Variants in RIPOR3 observed in about 807,000 individuals in gnomAD.
The protein encoded by RIPOR3 is RIPOR family member 3.
Under a neutral mutation model 114.3 loss-of-function variants are expected in RIPOR3, and 95 were observed. That is an observed-to-expected ratio of 0.83 (90% CI 0.70 to 0.99). RIPOR3 has a LOEUF of 0.99. Ranked by LOEUF, RIPOR3 falls within the 50% of genes least tolerant of loss-of-function variation. RIPOR3 has a pLI of 0.00. For missense variants in RIPOR3, 1,252 were observed against 1,266.9 expected, an observed-to-expected ratio of 0.99 and a Z score of 0.18; for synonymous variants, 575 against 543.8, an observed-to-expected ratio of 1.06 and a Z score of -0.80.
At chr20:50,674,441 G>C (rs1283083998) in intron 1 of RIPOR3, among the ~76,000 whole-genome samples, 1 of 151,864 alleles carries the variant, frequency 6.6e-6, no homozygotes, top group Non-Finnish European at 1.5e-5. Context: ...AGTATGCACT[G>C]AGCAAATTCC....
chr20:50,680,768 G>A (rs530826353), intron 1 of RIPOR3, among the ~76,000 whole-genome samples: 2 of 152,266 alleles, frequency 1.3e-5, no homozygotes, highest in South Asian at 2.1e-4. Flanking sequence ...CTGCTCCTAC[G>A]AACAGCCTTT....
Position 50,592,368 on chromosome 20 carries a change from G to T in RIPOR3, c.2553C>A (p.Val851=). The change falls in exon 19 of 22, where the codon GTC becomes GTA. Residue 851 remains valine (V), a synonymous_variant. Coordinates refer to ENST00000327979, the MANE Select transcript of RIPOR3 (RefSeq NM_001290268.2). ...CCTTTTCCCGGAAGCTTCTGTTCCT[G>T]ACTGCACCAGCCAGGCGAGCGCTGG... ...RAASARLAGA[V]RNRSFREKAL... The T allele has an allele frequency of 6.3e-7, 1 of 1,598,394 alleles. No individual in the cohort carries two copies. Among genetic ancestry groups the T allele is most frequent in the Non-Finnish European group, 8.6e-7 (1 of 1,169,570 alleles).
intron 12 of RIPOR3, among the ~76,000 whole-genome samples, chr20:50,603,506 T>G (rs1380303915): frequency 6.6e-6 from 1 of 152,182 alleles, no homozygotes; most frequent in Non-Finnish European, 1.5e-5. Flanking sequence ...CTCAAAGTAC[T>G]GGGATTACAG....
In RIPOR3 at chr20:50,604,789, A is replaced by G. The variant is rs768327058; in HGVS notation, c.957-15T>C. The G allele has an allele frequency of 1.2e-6, 2 of 1,605,538 alleles. No homozygotes were observed. The highest frequency in any genetic ancestry group is 1.7e-6 in the Non-Finnish European group (2 of 1,177,264). The stretch of plus-strand genomic sequence containing the variant: ...TATCAAACGGGCTGGAGGAGAGAAC[A>G]GAAGGTCAGGATGCCATCGGCACCC... On this transcript the variant is annotated splice_polypyrimidine_tract_variant and intron_variant, in intron 11 of 21. Transcript: ENST00000327979.
intron 4 of RIPOR3, 132 bp from the exon 5 acceptor site, chr20:50,611,336 C>T (rs41307181): frequency 0.059 from 68,069 of 1,145,496 alleles, 2,474 homozygotes; most frequent in Non-Finnish European, 0.072. Flanking sequence ...CAGCCACCCC[C>T]ACCCACTCCT....
chr20:50,661,161 G>A (rs548575249), intron 1 of RIPOR3, among the ~76,000 whole-genome samples: 131 of 151,722 alleles, frequency 8.6e-4, no homozygotes, highest in African/African-American at 1.0e-3. Context: ...TCGCTTGAAC[G>A]CGGGAGGCGG....
intron 1 of RIPOR3, among the ~76,000 whole-genome samples, chr20:50,637,644 T>G (rs1273287485): frequency 6.6e-6 from 1 of 152,002 alleles, no homozygotes; most frequent in Admixed American, 6.6e-5. Flanking sequence ...GGAGGCTGAG[T>G]CTGGTGGATC....
At chr20:50,611,623 G>A (rs1236783037) in intron 4 of RIPOR3, among the ~76,000 whole-genome samples, 4 of 152,214 alleles carry the variant, frequency 2.6e-5, no homozygotes, top group African/African-American at 9.7e-5. Flanking sequence ...AGAACATGAG[G>A]GGGATGGAAG....
intron 1 of RIPOR3, among the ~76,000 whole-genome samples, chr20:50,657,922 AT>A (rs889334691): frequency 2.7e-5 from 4 of 150,512 alleles, no homozygotes; most frequent in African/African-American, 7.3e-5. Flanking sequence ...TGCCTGGCTA[AT>A]TTTTTTTTAT....
intron 4 of RIPOR3, among the ~76,000 whole-genome samples, chr20:50,615,172 G>C (rs1416881065): frequency 6.9e-6 from 1 of 145,432 alleles, no homozygotes; most frequent in Non-Finnish European, 1.5e-5. Context: ...TGCTAAGGGA[G>C]AGGCAAAAAA....
At chr20:50,678,409 C>G (rs2086746803) in intron 1 of RIPOR3, among the ~76,000 whole-genome samples, 1 of 152,180 alleles carries the variant, frequency 6.6e-6, no homozygotes, top group African/African-American at 2.4e-5. Flanking sequence ...ACCTCCCACC[C>G]CACCCCACAG....
intron 1 of RIPOR3, among the ~76,000 whole-genome samples, chr20:50,634,995 T>C (rs540940307): frequency 6.6e-6 from 1 of 152,226 alleles, no homozygotes; most frequent in Admixed American, 6.5e-5. Context: ...ATCAAGCCAC[T>C]AAACTCCAGC....
intron 1 of RIPOR3, among the ~76,000 whole-genome samples, chr20:50,673,053 C>T (rs962624893): frequency 6.6e-6 from 1 of 152,204 alleles, no homozygotes; most frequent in African/African-American, 2.4e-5. Context: ...GTGGATGTCC[C>T]CACTGCCCTG....
rs2084969845 is a variant in RIPOR3, at chr20:50,635,928, G to T, written c.4-5072C>A. Among the ~76,000 whole-genome samples, 3 of 152,324 alleles carry T rather than the reference G, an allele frequency of 2.0e-5. No individual in the cohort carries two copies. In the East Asian group the frequency reaches 5.8e-4, roughly 29 times the overall value. ...AGAATGGAAATAGGATTGGGAGGGGGACCTGCCAAGCTAGAAAGATAGCCC... is the reference window on the plus strand; with the variant it reads ...AGAATGGAAATAGGATTGGGAGGGGTACCTGCCAAGCTAGAAAGATAGCCC... On this transcript the variant is annotated intron_variant, in intron 1 of 21. Coordinates refer to ENST00000327979, the MANE Select transcript of RIPOR3 (RefSeq NM_001290268.2).
Position 50,676,632 on chromosome 20 carries a change from A to G in RIPOR3, c.3+14494T>C, listed in dbSNP as rs2086686047. Among the ~76,000 whole-genome samples the G allele has an allele frequency of 3.3e-5, 5 of 152,150 alleles. No individual in the cohort carries two copies. The South Asian group carries it at 1.0e-3, about 32-fold the overall frequency. On this transcript the variant is annotated intron_variant, in intron 1 of 21. Coordinates refer to ENST00000327979, the MANE Select transcript of RIPOR3 (RefSeq NM_001290268.2). ...ATGCCACTGTACTCCAGCTGGGGCC[A>G]CAGAGCAATACTCAGTCTCAAAACA...
chr20:50,661,248 A>T (rs1600709590), intron 1 of RIPOR3, among the ~76,000 whole-genome samples: 2 of 151,926 alleles, frequency 1.3e-5, no homozygotes, highest in Non-Finnish European at 2.9e-5. Flanking sequence ...AAAATAAAAA[A>T]AAAAATTGTA....
chr20:50,593,565 C>T (rs551611050), intron 17 of RIPOR3, among the ~76,000 whole-genome samples: 135 of 151,852 alleles, frequency 8.9e-4, no homozygotes, highest in African/African-American at 3.2e-3. Flanking sequence ...TGAGTGAAAC[C>T]CCATCTCAAA....
chr20:50,631,232 C>A (rs1194133529), intron 1 of RIPOR3, among the ~76,000 whole-genome samples: 1 of 152,190 alleles, frequency 6.6e-6, no homozygotes, highest in Non-Finnish European at 1.5e-5. Context: ...GTGAACTCTG[C>A]AAGGCAGGCC....
chr20:50,631,001 C>T (rs2084802579), intron 1 of RIPOR3, 145 bp from the exon 2 acceptor site: 1 of 664,038 alleles, frequency 1.5e-6, no homozygotes, highest in Admixed American at 2.6e-5. Context: ...GCTCACAGGT[C>T]AGCAAGCTGA....
Sources: allele counts gnomAD v4.1 joint callset (sites outside exome capture counted in the v4.1 genomes callset), GRCh38; gene constraint gnomAD v4.1.1; transcripts MANE v1.5; gene names NCBI Gene and HGNC (gene_info 2026-07-23, HGNC 2026-07-21).